The following HOMER2 variants were observed in gnomAD, a reference collection of about 807,000 sequenced individuals.
HOMER2 encodes the protein homer scaffold protein 2, also known as homer protein homolog 2.
Under a neutral mutation model 47.0 loss-of-function variants are expected in HOMER2, and 27 were observed. That is an observed-to-expected ratio of 0.57 (90% CI 0.42 to 0.79). The LOEUF is 0.79. Among genes scored for constraint, HOMER2 ranks in the 30% least tolerant of loss-of-function variants. The pLI is 0.00. For missense variants in HOMER2, 443 were observed against 435.0 expected, an observed-to-expected ratio of 1.02 and a Z score of -0.16; for synonymous variants, 161 against 163.8, an observed-to-expected ratio of 0.98 and a Z score of 0.13.
intron 1 of HOMER2, among the ~76,000 whole-genome samples, chr15:82,979,625 A>T (rs2151263166): frequency 6.6e-6 from 1 of 152,246 alleles, no homozygotes; most frequent in Non-Finnish European, 1.5e-5. Flanking sequence ...AAGAGGAGTG[A>T]ACAAACAGAA....
At chr15:82,909,872 T>G (rs2053402590) in intron 1 of HOMER2, among the ~76,000 whole-genome samples, 2 of 152,092 alleles carry the variant, frequency 1.3e-5, no homozygotes, top group Admixed American at 1.3e-4. Flanking sequence ...CGGTGGCTCA[T>G]GCCTGTAATC....
Position 82,952,699 on chromosome 15 carries a change from T to TGCCGCCACC in HOMER2, c.-173_-165dup, listed in dbSNP as rs1044598925. On this transcript the variant is annotated 5_prime_UTR_variant, in exon 1 of 9. Coordinates refer to ENST00000450735, the MANE Select transcript of HOMER2 (RefSeq NM_004839.4). Reference sequence around the variant, plus strand: ...GCTGCGCGGCTGCCACTGCTGCCACTGCCGCCACCGCCGCCAGGCGCGGGC... The same window carrying TGCCGCCACC: ...GCTGCGCGGCTGCCACTGCTGCCACTGCCGCCACCGCCGCCACCGCCGCCAGGCGCGGGC... 106 of 984,928 alleles carry TGCCGCCACC rather than the reference T, an allele frequency of 1.1e-4. No individual in the cohort carries two copies. The highest frequency in any genetic ancestry group is 2.8e-4 in the African/African-American group (16 of 56,774). The allele number at this position is 984,928 out of a possible 1,614,324, so 61.0% of individuals were successfully genotyped here.
chr15:82,857,316 T>C (rs2051617970), intron 5 of HOMER2, among the ~76,000 whole-genome samples: 1 of 152,092 alleles, frequency 6.6e-6, no homozygotes, highest in Non-Finnish European at 1.5e-5. Flanking sequence ...TCTTGGACTT[T>C]CTAGCCTCCA....
At chr15:82,947,863 G>C (rs1202676344) in intron 1 of HOMER2, among the ~76,000 whole-genome samples, 2 of 152,330 alleles carry the variant, frequency 1.3e-5, no homozygotes, top group African/African-American at 4.8e-5. Context: ...ATACACTGGT[G>C]AAAAAGATAA....
At chr15:82,903,006 T>A (rs2053172018) in intron 1 of HOMER2, among the ~76,000 whole-genome samples, 1 of 152,236 alleles carries the variant, frequency 6.6e-6, no homozygotes, top group Non-Finnish European at 1.5e-5. Context: ...GATCTTCCAC[T>A]AGTGTTTCAA....
chr15:82,944,418 T>A (rs906431186), intron 1 of HOMER2, among the ~76,000 whole-genome samples: 9 of 152,210 alleles, frequency 5.9e-5, no homozygotes, highest in African/African-American at 9.6e-5. Context: ...AGAAGCTTTA[T>A]GCCCCAATTC....
At chr15:82,942,768 G>A (rs1235775763) in intron 1 of HOMER2, among the ~76,000 whole-genome samples, 1 of 152,168 alleles carries the variant, frequency 6.6e-6, no homozygotes, top group Non-Finnish European at 1.5e-5. Flanking sequence ...TGATATACAT[G>A]GGTCAGCTCA....
intron 3 of HOMER2, among the ~76,000 whole-genome samples, chr15:82,865,555 A>T (rs552766279): frequency 6.6e-6 from 1 of 152,388 alleles, no homozygotes; most frequent in Admixed American, 6.5e-5. Flanking sequence ...TTTTGTTTAC[A>T]TTCAAACATG....
intron 1 of HOMER2, among the ~76,000 whole-genome samples, chr15:82,934,852 G>A (rs1167963743): frequency 1.3e-5 from 2 of 152,114 alleles, no homozygotes; most frequent in African/African-American, 4.8e-5. Flanking sequence ...GCCCACTCCC[G>A]GAAAACAATT....
intron 4 of HOMER2, among the ~76,000 whole-genome samples, chr15:82,860,980 AGAAAGC>A (rs1169533882): frequency 1.5e-4 from 23 of 149,766 alleles, no homozygotes; most frequent in African/African-American, 4.0e-4. Flanking sequence ...AGAGAGAGAG[AGAAAGC>A]GAAAGAGAAA....
At chr15:82,938,200 C>T (rs1337643084) in intron 1 of HOMER2, among the ~76,000 whole-genome samples, 3 of 152,070 alleles carry the variant, frequency 2.0e-5, no homozygotes, top group Non-Finnish European at 4.4e-5. Context: ...GGCGAAACCC[C>T]GTCTCTACTG....
At chr15:82,859,913 G>A (rs745694792) in intron 4 of HOMER2, among the ~76,000 whole-genome samples, 4 of 152,012 alleles carry the variant, frequency 2.6e-5, no homozygotes, top group Non-Finnish European at 5.9e-5. Flanking sequence ...AAACCCGGGG[G>A]GTGGGGAGGG....
chr15:82,960,895 C>T (rs1242022760), intron 1 of HOMER2, among the ~76,000 whole-genome samples: 1 of 152,198 alleles, frequency 6.6e-6, no homozygotes, highest in Non-Finnish European at 1.5e-5. Context: ...TTGCAGGAAG[C>T]TACCTTCACC....
At chr15:82,972,019 C>G (rs577521424) in intron 1 of HOMER2, among the ~76,000 whole-genome samples, 1 of 152,148 alleles carries the variant, frequency 6.6e-6, no homozygotes, top group African/African-American at 2.4e-5. Flanking sequence ...AGCTTGCTAG[C>G]GTCCTCCCTT....
At chr15:82,890,928 T>C (rs1233339390) in intron 2 of HOMER2, among the ~76,000 whole-genome samples, 1 of 152,138 alleles carries the variant, frequency 6.6e-6, no homozygotes, top group Non-Finnish European at 1.5e-5. Flanking sequence ...GGCATCACTA[T>C]GTCTCTCAGA....
At chr15:82,896,281 G>C (rs909850687) in intron 1 of HOMER2, among the ~76,000 whole-genome samples, 3 of 152,184 alleles carry the variant, frequency 2.0e-5, no homozygotes, top group African/African-American at 7.2e-5. Flanking sequence ...GGAAAGCAAA[G>C]TGGAGAGATG....
In HOMER2 at chr15:82,952,706, A is replaced by G; in HGVS notation, c.-171T>C. 1 of 983,546 alleles carries G rather than the reference A, an allele frequency of 1.0e-6. No homozygotes were observed. The highest frequency in any genetic ancestry group is 1.2e-6 in the Non-Finnish European group (1 of 830,050). 60.9% of individuals were successfully genotyped at this position (983,546 alleles called of 1,614,324 possible). A position where few individuals can be genotyped will look rare whatever the true frequency, so the allele number is the denominator to read the frequency against. ...GGCTGCCACTGCTGCCACTGCCGCC[A>G]CCGCCGCCAGGCGCGGGCGGGCGGG... On this transcript the variant is annotated 5_prime_UTR_variant, in exon 1 of 9. Transcript: ENST00000450735.
At chr15:82,880,975 A>C (rs988896025) in intron 2 of HOMER2, among the ~76,000 whole-genome samples, 1 of 152,214 alleles carries the variant, frequency 6.6e-6, no homozygotes, top group African/African-American at 2.4e-5. Flanking sequence ...TCAATGCGGC[A>C]GAATGACTTA....
chr15:82,852,856 A>G (rs1203574953), intron 6 of HOMER2: 1 of 152,480 alleles, frequency 6.6e-6, no homozygotes, highest in East Asian at 1.9e-4. Flanking sequence ...TGAATGGCAA[A>G]TCCCTACACC....
Sources: allele counts gnomAD v4.1 joint callset (sites outside exome capture counted in the v4.1 genomes callset), GRCh38; gene constraint gnomAD v4.1.1; transcripts MANE v1.5; gene names NCBI Gene and HGNC (gene_info 2026-07-23, HGNC 2026-07-21).